NCAM1: variants seen among roughly 807,000 people sequenced by gnomAD.
The protein encoded by NCAM1 is antigen recognized by monoclonal antibody 5.1H11.
Under a neutral mutation model 109.8 loss-of-function variants are expected in NCAM1, and 14 were observed. That is an observed-to-expected ratio of 0.13 (90% CI 0.08 to 0.20). The LOEUF (loss-of-function observed/expected upper bound fraction) is 0.20. Among genes scored for constraint, NCAM1 ranks in the 10% least tolerant of loss-of-function variants. The probability of loss-of-function intolerance (pLI) is 1.00; values close to 1 mark genes in which losing one functional copy is unlikely to be tolerated. For synonymous variants in NCAM1, 418 were observed against 442.9 expected (o/e 0.94, Z 0.70); for missense variants, 774 against 1,109.9 (o/e 0.70, Z 4.30).
At chr11:113,120,183 A>G (rs1940898360) in intron 1 of NCAM1, among the ~76,000 whole-genome samples, 1 of 152,198 alleles carries the variant, frequency 6.6e-6, no homozygotes, top group African/African-American at 2.4e-5. Flanking sequence ...AAGGGTTTTA[A>G]GCTATGCTGG....
chr11:113,089,006 C>T (rs2080707832), intron 1 of NCAM1, among the ~76,000 whole-genome samples: 1 of 152,186 alleles, frequency 6.6e-6, no homozygotes, highest in Non-Finnish European at 1.5e-5. Context: ...TCATTAAACT[C>T]TACATCTGGC....
At chr11:113,048,977 A>G (rs1438428725) in intron 1 of NCAM1, among the ~76,000 whole-genome samples, 6 of 152,128 alleles carry the variant, frequency 3.9e-5, no homozygotes, top group African/African-American at 1.4e-4. Flanking sequence ...CTAAGGGTGC[A>G]GTGATGAACC....
At chr11:113,234,383 C>T (rs2137267527) in intron 13 of NCAM1, among the ~76,000 whole-genome samples, 1 of 152,162 alleles carries the variant, frequency 6.6e-6, no homozygotes, top group East Asian at 1.9e-4. Context: ...TCACCACCAT[C>T]CATCTCCAGA....
At chr11:113,075,338 G>A (rs1368428525) in intron 1 of NCAM1, among the ~76,000 whole-genome samples, 1 of 152,130 alleles carries the variant, frequency 6.6e-6, no homozygotes, top group African/African-American at 2.4e-5. Context: ...CTAAAGTGCT[G>A]AGATTACAGG....
intron 1 of NCAM1, among the ~76,000 whole-genome samples, chr11:112,998,656 A>G (rs541936695): frequency 6.6e-6 from 1 of 152,166 alleles, no homozygotes; most frequent in East Asian, 1.9e-4. Context: ...AACTCTCGAC[A>G]CTAAGATGCT....
chr11:113,045,138 A>T (rs1953221995), intron 1 of NCAM1, among the ~76,000 whole-genome samples: 1 of 152,210 alleles, frequency 6.6e-6, no homozygotes, highest in African/African-American at 2.4e-5. Flanking sequence ...TTAAACACAT[A>T]CGAAATAAAG....
chr11:112,970,817 A>G (rs1405895271), intron 1 of NCAM1, among the ~76,000 whole-genome samples: 1 of 152,174 alleles, frequency 6.6e-6, no homozygotes, highest in African/African-American at 2.4e-5. Context: ...GGAAAGATAC[A>G]CTTGTAATGA....
chr11:113,232,086 C>T, intron 10 of NCAM1, 84 bp from the exon 11 acceptor site: 2 of 1,350,028 alleles, frequency 1.5e-6, no homozygotes, highest in Non-Finnish European at 2.0e-6. Context: ...TTGGAGCACA[C>T]CTGCCTTCCC....
intron 15 of NCAM1, 111 bp from the exon 16 acceptor site, chr11:113,255,766 T>C: frequency 2.4e-6 from 3 of 1,256,224 alleles, no homozygotes; most frequent in Non-Finnish European, 3.3e-6. Flanking sequence ...TTTGAATTTC[T>C]GAGAAAGCAA....
chr11:113,069,338 C>A (rs567080233), intron 1 of NCAM1, among the ~76,000 whole-genome samples: 5 of 152,154 alleles, frequency 3.3e-5, no homozygotes, highest in East Asian at 1.9e-4. Context: ...CAGCAGTGGG[C>A]AGTAGGGAAG....
chr11:113,089,473 C>A (rs1939241293), intron 1 of NCAM1, among the ~76,000 whole-genome samples: 1 of 151,612 alleles, frequency 6.6e-6, no homozygotes, highest in Non-Finnish European at 1.5e-5. Flanking sequence ...TTAGAATTTT[C>A]TTTTCTTTAT....
intron 1 of NCAM1, among the ~76,000 whole-genome samples, chr11:112,998,107 T>C (rs1324426370): frequency 1.3e-5 from 2 of 152,220 alleles, no homozygotes; most frequent in Non-Finnish European, 2.9e-5. Context: ...AGTGAGGAAC[T>C]TGAGGCCCAG....
At position 112,965,085 on chromosome 11, in the gene NCAM1, A is replaced by T. The variant is rs558019503; in HGVS notation, c.52+3421A>T. 1.6e-3 allele frequency among the ~76,000 whole-genome samples: 227 copies of T among 141,220 alleles called. 1 individual carries two copies. The highest frequency in any genetic ancestry group is 4.3e-3 in the African/African-American group (164 of 38,578). 92.6% of individuals were successfully genotyped at this position (141,220 alleles called of 152,430 possible). On this transcript the variant is annotated intron_variant, in intron 1 of 19. Coordinates refer to ENST00000316851, the MANE Select transcript of NCAM1 (RefSeq NM_181351.5). ...TACCTTTATCTAGGATTTTTTTTTT[A>T]AAAATGGAATACCAGAAAATAGCAG...
intron 1 of NCAM1, among the ~76,000 whole-genome samples, chr11:113,105,213 C>T (rs1458636503): frequency 2.0e-5 from 3 of 152,174 alleles, no homozygotes; most frequent in Non-Finnish European, 2.9e-5. Flanking sequence ...TGTGGGACCC[C>T]AGTAGCAGAT....
intron 1 of NCAM1, among the ~76,000 whole-genome samples, chr11:112,987,670 G>A (rs1951344302): frequency 6.6e-6 from 1 of 151,250 alleles, no homozygotes; most frequent in Non-Finnish European, 1.5e-5. Context: ...TACAGTTTTT[G>A]ACTTAAAACC....
intron 1 of NCAM1, among the ~76,000 whole-genome samples, chr11:113,104,636 G>C (rs1940067438): frequency 6.6e-6 from 1 of 152,136 alleles, no homozygotes; most frequent in Non-Finnish European, 1.5e-5. Context: ...TCAGGCACTA[G>C]TTAGCAAACC....
intron 1 of NCAM1, among the ~76,000 whole-genome samples, chr11:113,097,935 G>A (rs7952383): frequency 0.073 from 11,092 of 152,140 alleles, 770 homozygotes; most frequent in Admixed American, 0.17. Context: ...CTAAATATTT[G>A]AGATAGCTGA....
At chr11:113,071,756 A>G (rs1938276758) in intron 1 of NCAM1, among the ~76,000 whole-genome samples, 1 of 152,182 alleles carries the variant, frequency 6.6e-6, no homozygotes, top group African/African-American at 2.4e-5. Context: ...GAGAACCTGA[A>G]TCTTTCTATG....
intron 17 of NCAM1, among the ~76,000 whole-genome samples, chr11:113,261,075 A>G (rs782202840): frequency 6.6e-6 from 1 of 152,204 alleles, no homozygotes; most frequent in Non-Finnish European, 1.5e-5. Flanking sequence ...TTTCCAGACC[A>G]GCCAAATGCC....
Sources: gnomAD v4.1 joint callset for allele counts (sites outside exome capture counted in the v4.1 genomes callset) on GRCh38, gnomAD v4.1.1 for gene constraint, MANE v1.5 for transcripts, NCBI Gene and HGNC (gene_info 2026-07-23, HGNC 2026-07-21) for gene names.